CNTNAP5: variants seen among roughly 807,000 people sequenced by gnomAD.
The protein encoded by CNTNAP5 is contactin associated protein family member 5.
CNTNAP5 carries 72 observed loss-of-function variants against 150.2 expected under a neutral mutation model. The observed-to-expected ratio is 0.48, with a 90% CI of 0.40 to 0.58. CNTNAP5 has a LOEUF of 0.58. CNTNAP5 is among the 20% of genes least tolerant of loss of function. The pLI is 0.00. For synonymous variants in CNTNAP5, 672 were observed against 619.8 expected (o/e 1.08, Z -1.25); for missense variants, 1,636 against 1,626.2 (o/e 1.01, Z -0.10).
chr2:124,252,000 T>G (rs1687191521), intron 3 of CNTNAP5, among the ~76,000 whole-genome samples: 1 of 152,138 alleles, frequency 6.6e-6, no homozygotes, highest in Admixed American at 6.5e-5. Context: ...GCATTCTGCA[T>G]GTAGATGAGA....
chr2:124,388,783 T>G (rs562225659), intron 3 of CNTNAP5, among the ~76,000 whole-genome samples: 1 of 152,168 alleles, frequency 6.6e-6, no homozygotes, highest in East Asian at 1.9e-4. Flanking sequence ...CGGATTCAAG[T>G]GATTCTCCTG....
intron 2 of CNTNAP5, among the ~76,000 whole-genome samples, chr2:124,237,998 C>A (rs2104761626): frequency 6.6e-6 from 1 of 152,246 alleles, no homozygotes; most frequent in African/African-American, 2.4e-5. Context: ...AGCCATACAT[C>A]TGGGTTAGCT....
At chr2:124,668,859 A>G (rs979743741) in intron 13 of CNTNAP5, among the ~76,000 whole-genome samples, 1 of 152,178 alleles carries the variant, frequency 6.6e-6, no homozygotes, top group Non-Finnish European at 1.5e-5. Flanking sequence ...GAGGGAAGGA[A>G]TGAGGGAAGG....
At chr2:124,720,526 G>GA (rs902675587) in intron 13 of CNTNAP5, among the ~76,000 whole-genome samples, 31 of 150,580 alleles carry the variant, frequency 2.1e-4, no homozygotes, top group East Asian at 1.6e-3. Context: ...TGCATCCCAA[G>GA]AAAAAAAAAT....
At chr2:124,273,351 G>C (rs1687804084) in intron 3 of CNTNAP5, among the ~76,000 whole-genome samples, 1 of 152,168 alleles carries the variant, frequency 6.6e-6, no homozygotes, top group Admixed American at 6.6e-5. Flanking sequence ...CAATAGATGA[G>C]AAATGGAAAT....
At chr2:124,264,417 C>G (rs1687550210) in intron 3 of CNTNAP5, among the ~76,000 whole-genome samples, 1 of 151,300 alleles carries the variant, frequency 6.6e-6, no homozygotes, top group African/African-American at 2.4e-5. Context: ...CACACACACA[C>G]ACACACACAC....
intron 1 of CNTNAP5, 53 bp from the exon 2 acceptor site, chr2:124,221,652 G>A: frequency 3.5e-6 from 4 of 1,134,758 alleles, no homozygotes; most frequent in South Asian, 2.6e-5. Flanking sequence ...CTTATGGAAT[G>A]TTTCTTGCTA....
At chr2:124,859,431 A>C (rs1677460922) in intron 19 of CNTNAP5, among the ~76,000 whole-genome samples, 2 of 152,238 alleles carry the variant, frequency 1.3e-5, no homozygotes, top group African/African-American at 4.8e-5. Context: ...GAGGATGTGG[A>C]GAAATAGGAA....
chr2:124,882,916 A>G (rs1400504799), intron 21 of CNTNAP5, among the ~76,000 whole-genome samples: 1 of 151,966 alleles, frequency 6.6e-6, no homozygotes, highest in Non-Finnish European at 1.5e-5. Context: ...TCTCATGTGA[A>G]CTAACTCACT....
chr2:124,048,980 A>T (rs758565991), intron 1 of CNTNAP5, among the ~76,000 whole-genome samples: 2 of 152,234 alleles, frequency 1.3e-5, no homozygotes, highest in Non-Finnish European at 2.9e-5. Flanking sequence ...ATTTTCTCCA[A>T]TGCTTTTGAT....
At chr2:124,404,671 TC>T (rs1691524355) in intron 3 of CNTNAP5, among the ~76,000 whole-genome samples, 1 of 152,206 alleles carries the variant, frequency 6.6e-6, no homozygotes, top group South Asian at 2.1e-4. Context: ...TGTGTGTCAA[TC>T]CCGAGTAAGC....
intron 1 of CNTNAP5, among the ~76,000 whole-genome samples, chr2:124,137,476 C>T (rs1334940334): frequency 6.6e-6 from 1 of 151,932 alleles, no homozygotes; most frequent in Non-Finnish European, 1.5e-5. Flanking sequence ...AACTATGAGC[C>T]CATTTACCCA....
intron 11 of CNTNAP5, among the ~76,000 whole-genome samples, chr2:124,600,079 G>A (rs528864998): frequency 6.6e-6 from 1 of 152,068 alleles, no homozygotes; most frequent in Non-Finnish European, 1.5e-5. Context: ...AATGTAGGCC[G>A]AATAATTTAG....
chr2:124,619,131 G>A (rs1248434134), intron 12 of CNTNAP5, among the ~76,000 whole-genome samples: 2 of 152,158 alleles, frequency 1.3e-5, no homozygotes, highest in Admixed American at 1.3e-4. Flanking sequence ...AATCTGGAAT[G>A]GATGCAGAGC....
Position 124,090,479 on chromosome 2 carries a change from A to T in CNTNAP5, c.82+64747A>T, listed in dbSNP as rs182057420. ...TCTAATCAATACCAAGTATTTATTG[A>T]CTAGCTCTTTTATGTTTTATAAGAT... is the stretch of plus-strand genomic sequence containing the variant. On this transcript the variant is annotated intron_variant, in intron 1 of 23. Transcript: ENST00000682447. Among the ~76,000 whole-genome samples, 380 of 152,288 alleles carry T rather than the reference A, an allele frequency of 2.5e-3. 3 individuals carry two copies. The highest frequency in any genetic ancestry group is 8.5e-3 in the African/African-American group (354 of 41,582).
At chr2:124,426,677 G>A (rs1692245696) in intron 4 of CNTNAP5, among the ~76,000 whole-genome samples, 1 of 152,148 alleles carries the variant, frequency 6.6e-6, no homozygotes, top group African/African-American at 2.4e-5. Flanking sequence ...GCCCACTTGG[G>A]GATTCAAGCT....
intron 3 of CNTNAP5, among the ~76,000 whole-genome samples, chr2:124,322,393 G>C (rs963059467): frequency 6.6e-6 from 1 of 151,990 alleles, no homozygotes; most frequent in Non-Finnish European, 1.5e-5. Context: ...TTACCACCAA[G>C]TGTTAGTTTG....
At chr2:124,749,094 G>T (rs1050402256) in intron 14 of CNTNAP5, among the ~76,000 whole-genome samples, 1 of 152,272 alleles carries the variant, frequency 6.6e-6, no homozygotes, top group Non-Finnish European at 1.5e-5. Flanking sequence ...TTAAAGAAGA[G>T]AATTATCGCA....
intron 3 of CNTNAP5, among the ~76,000 whole-genome samples, chr2:124,413,089 T>G (rs1691817905): frequency 1.2e-5 from 1 of 80,138 alleles, no homozygotes; most frequent in African/African-American, 4.5e-5. Flanking sequence ...CAGACACTTC[T>G]CAAAAGAAGA....
Sources: gnomAD v4.1 joint callset for allele counts (sites outside exome capture counted in the v4.1 genomes callset) on GRCh38, gnomAD v4.1.1 for gene constraint, MANE v1.5 for transcripts, NCBI Gene and HGNC (gene_info 2026-07-23, HGNC 2026-07-21) for gene names.